Variants in STRBP observed in about 807,000 individuals in gnomAD.
The protein encoded by STRBP is spermatid perinuclear RNA binding protein.
A neutral mutation model predicts 80.1 loss-of-function variants in STRBP; 13 were observed. The observed-to-expected ratio is 0.16, with a 90% CI of 0.11 to 0.26. The LOEUF is 0.26. Among genes scored for constraint, STRBP ranks in the 10% least tolerant of loss-of-function variants. The pLI, the probability that STRBP is intolerant of heterozygous loss-of-function variation, is 1.00. For missense variants in STRBP, 485 were observed against 815.2 expected (o/e 0.59, Z 4.93); for synonymous variants, 284 against 291.2 (o/e 0.98, Z 0.25).
At chr9:123,224,913 G>A (rs2040187122) in intron 2 of STRBP, among the ~76,000 whole-genome samples, 1 of 152,186 alleles carries the variant, frequency 6.6e-6, no homozygotes, top group South Asian at 2.1e-4. Context: ...GTGCAAATAT[G>A]TTCATAGCAG....
At chr9:123,179,311 A>G in intron 3 of STRBP, 84 bp from the exon 4 acceptor site, 1 of 1,127,874 alleles carries the variant, frequency 8.9e-7, no homozygotes, top group Non-Finnish European at 1.3e-6. Context: ...TCTTTAGCCA[A>G]CCCATAGCAC....
At chr9:123,256,238 C>T (rs954418892) in intron 1 of STRBP, among the ~76,000 whole-genome samples, 1 of 151,852 alleles carries the variant, frequency 6.6e-6, no homozygotes, top group Non-Finnish European at 1.5e-5. Context: ...AGGTTGGTCT[C>T]GAACTCCTGA....
At chr9:123,197,165 A>C (rs967971247) in intron 2 of STRBP, among the ~76,000 whole-genome samples, 1 of 151,216 alleles carries the variant, frequency 6.6e-6, no homozygotes, top group Non-Finnish European at 1.5e-5. Flanking sequence ...AAATGTTCTT[A>C]CTCATCTGTG....
intron 7 of STRBP, among the ~76,000 whole-genome samples, chr9:123,160,742 A>T (rs1410822278): frequency 6.6e-6 from 1 of 152,220 alleles, no homozygotes; most frequent in Non-Finnish European, 1.5e-5. Flanking sequence ...TGATTTTATA[A>T]GCAACCATCT....
At chr9:123,156,052 C>A (rs190089062) in intron 11 of STRBP, among the ~76,000 whole-genome samples, 1 of 149,672 alleles carries the variant, frequency 6.7e-6, no homozygotes. Flanking sequence ...AGTTCCCAAA[C>A]TTTTGAGAAA....
rs139568445 is a variant in STRBP at position 123,193,661 on chromosome 9, C to T, written c.-164-9363G>A. ...TTCTTTCCTATTTTAGACAAACACG[C>T]CCCACCGGGACCTACAATCGCTAAT... On this transcript the variant is annotated intron_variant, in intron 2 of 18. Transcript: ENST00000348403. Among the ~76,000 whole-genome samples the T allele has an allele frequency of 2.8e-3, 419 of 151,988 alleles. 1 individual carries two copies. The highest frequency in any genetic ancestry group is 9.8e-3 in the African/African-American group (406 of 41,486).
intron 1 of STRBP, among the ~76,000 whole-genome samples, chr9:123,256,717 C>T (rs968450951): frequency 6.6e-6 from 1 of 152,046 alleles, no homozygotes; most frequent in Admixed American, 6.6e-5. Flanking sequence ...AACACCATTC[C>T]GTCACAGCGC....
chr9:123,176,748 A>G (rs1024580896), intron 4 of STRBP, among the ~76,000 whole-genome samples: 2 of 152,214 alleles, frequency 1.3e-5, no homozygotes, highest in African/African-American at 4.8e-5. Flanking sequence ...TCAATTCCTA[A>G]TTCAAACAGT....
At chr9:123,206,163 T>A in intron 2 of STRBP, among the ~76,000 whole-genome samples, 1 of 152,218 alleles carries the variant, frequency 6.6e-6, no homozygotes, top group East Asian at 1.9e-4. Flanking sequence ...TACTTTTTAC[T>A]TTTTTAAGTC....
intron 2 of STRBP, among the ~76,000 whole-genome samples, chr9:123,235,053 A>T (rs1023174638): frequency 3.3e-5 from 5 of 151,044 alleles, no homozygotes; most frequent in African/African-American, 1.2e-4. Context: ...CCGGAAACAC[A>T]TTACAACCAG....
intron 1 of STRBP, among the ~76,000 whole-genome samples, chr9:123,256,781 A>G (rs1230132654): frequency 6.6e-6 from 1 of 152,072 alleles, no homozygotes; most frequent in Non-Finnish European, 1.5e-5. Context: ...AGACAGACCA[A>G]TTAACCTAAA....
intron 1 of STRBP, among the ~76,000 whole-genome samples, chr9:123,249,096 G>C (rs1232978720): frequency 6.6e-6 from 1 of 152,228 alleles, no homozygotes; most frequent in African/African-American, 2.4e-5. Flanking sequence ...TAAGGCTGTA[G>C]GCCAAGCCAC....
intron 2 of STRBP, among the ~76,000 whole-genome samples, chr9:123,234,236 C>G (rs1436927444): frequency 6.7e-6 from 1 of 148,340 alleles, no homozygotes; most frequent in Non-Finnish European, 1.5e-5. Context: ...AAACTAAATA[C>G]TTCTAATTTC....
chr9:123,167,413 A>G (rs2037816359), intron 6 of STRBP, among the ~76,000 whole-genome samples: 1 of 152,180 alleles, frequency 6.6e-6, no homozygotes, highest in African/African-American at 2.4e-5. Context: ...AACTGCATCA[A>G]GGGGATGAGC....
At chr9:123,203,845 G>A (rs1047584646) in intron 2 of STRBP, among the ~76,000 whole-genome samples, 1 of 152,038 alleles carries the variant, frequency 6.6e-6, no homozygotes, top group Non-Finnish European at 1.5e-5. Context: ...GGTGGCAGGC[G>A]CTTGTAGTCC....
rs1564248213 is a variant in STRBP at position 123,158,422 on chromosome 9, AGGACCCCCTTT to A, written c.836-4_842del. The A allele has an allele frequency of 6.2e-7, 1 of 1,613,532 alleles. No individual in the cohort carries two copies. The highest frequency in any genetic ancestry group is 8.5e-7 in the Non-Finnish European group (1 of 1,179,570). ...CTCGCTCACAAGGATCATGAAGACC[AGGACCCCCTTT>A]GGCAAAGGAAAAACACAAGTATCAT... On this transcript the variant is annotated splice_acceptor_variant and splice_polypyrimidine_tract_variant and coding_sequence_variant and intron_variant, in exon 10 of 19. Coordinates refer to ENST00000348403, the MANE Select transcript of STRBP (RefSeq NM_018387.5). LOFTEE classifies it high-confidence loss of function.
In STRBP at chr9:123,115,891, A is replaced by G; in HGVS notation, c.*84+38T>C. 1 of 387,680 alleles carries G rather than the reference A, an allele frequency of 2.6e-6. No homozygotes were observed. The highest frequency in any genetic ancestry group is 5.1e-6 in the Non-Finnish European group (1 of 196,306). The allele number at this position is 387,680 out of a possible 1,614,324, so 24.0% of individuals were successfully genotyped here. A position where few individuals can be genotyped will look rare whatever the true frequency, so the allele number is the denominator to read the frequency against. ...CCATAATTGTCTTTCACCCTTTGGA[A>G]CCACATACAACAAATAAATATAATC... On this transcript the variant is annotated intron_variant and NMD_transcript_variant, in intron 3 of 3. Coordinates refer to the STRBP transcript ENST00000471564. The surrounding 1 kb of genome is among the most constrained non-coding windows in gnomAD (Gnocchi z 5.0).
At chr9:123,174,711 G>T (rs1186657599) in intron 4 of STRBP, among the ~76,000 whole-genome samples, 3 of 152,112 alleles carry the variant, frequency 2.0e-5, no homozygotes, top group Non-Finnish European at 4.4e-5. Flanking sequence ...ATAGAGCTAA[G>T]GAAGGAAAGA....
chr9:123,215,721 T>G (rs1385141280), intron 2 of STRBP, among the ~76,000 whole-genome samples: 1 of 151,554 alleles, frequency 6.6e-6, no homozygotes, highest in Non-Finnish European at 1.5e-5. Context: ...GGAGGCGGAG[T>G]TGCAGTGAGC....
Sources: allele counts gnomAD v4.1 joint callset (sites outside exome capture counted in the v4.1 genomes callset), GRCh38; gene constraint gnomAD v4.1.1; non-coding constraint Gnocchi (gnomAD v3.1); transcripts MANE v1.5; gene names NCBI Gene and HGNC (gene_info 2026-07-23, HGNC 2026-07-21).